Variants in TMEM164 observed in about 807,000 individuals in gnomAD.
TMEM164 encodes the protein RP13-360B22.2.
In TMEM164, 4 loss-of-function variants were observed where a neutral mutation model predicts 18.8. That is an observed-to-expected ratio of 0.21 (90% confidence interval 0.10 to 0.49). The LOEUF is 0.49. Among genes scored for constraint, TMEM164 ranks in the 20% least tolerant of loss-of-function variants. The probability of loss-of-function intolerance (pLI) is 0.98; values close to 1 mark genes in which losing one functional copy is unlikely to be tolerated. For missense variants in TMEM164, 108 were observed against 239.9 expected (o/e 0.45, Z 3.63); for synonymous variants, 86 against 101.7 (o/e 0.85, Z 0.93).
intron 3 of TMEM164, among the ~76,000 whole-genome samples, chrX:110,095,585 C>T (rs765364636): frequency 1.8e-5 from 2 of 111,871 alleles, no homozygotes; most frequent in African/African-American, 6.5e-5. Flanking sequence ...TTCGTCTAAT[C>T]TTTTTTCAAG....
intron 5 of TMEM164, among the ~76,000 whole-genome samples, chrX:110,147,998 G>A (rs2066882546): frequency 9.1e-6 from 1 of 110,375 alleles, no homozygotes; most frequent in Admixed American, 9.7e-5. Context: ...CTTCCAACTG[G>A]GATCAGTGTC....
At chrX:110,098,277 T>C (rs1424671013) in intron 3 of TMEM164, among the ~76,000 whole-genome samples, 1 of 111,790 alleles carries the variant, frequency 8.9e-6, no homozygotes, top group Non-Finnish European at 1.9e-5. Flanking sequence ...TTCCATGGTC[T>C]GTAGGTACCA....
rs1162517835 is a variant in TMEM164 at position 110,048,718 on chromosome X, T to G, written c.391-18629T>G. ...ACCCTGGGGGTTATTTGTAGCAGTC[T>G]CAAATCATTTGATCAGGGTCACTAC... On this transcript the variant is annotated intron_variant, in intron 2 of 6. Coordinates refer to ENST00000372068, the MANE Select transcript of TMEM164 (RefSeq NM_032227.4). Among the ~76,000 whole-genome samples the G allele has an allele frequency of 2.7e-5, 3 of 111,873 alleles. No individual in the cohort carries two copies. In the Admixed American group the frequency reaches 2.9e-4, roughly 11 times the overall value.
At chrX:110,101,841 C>T (rs1026063811) in intron 3 of TMEM164, among the ~76,000 whole-genome samples, 4 of 109,951 alleles carry the variant, frequency 3.6e-5, no homozygotes, top group Non-Finnish European at 7.6e-5. Context: ...CCTTGGCCTC[C>T]CAAAGTGCTG....
intron 5 of TMEM164, among the ~76,000 whole-genome samples, chrX:110,168,537 A>G (rs2067188221): frequency 8.9e-6 from 1 of 112,399 alleles, no homozygotes; most frequent in South Asian, 3.7e-4. Context: ...GACATTGCCC[A>G]TCTTCTAGCC....
At chrX:110,159,219 A>G (rs1051552868) in intron 5 of TMEM164, among the ~76,000 whole-genome samples, 2 of 110,825 alleles carry the variant, frequency 1.8e-5, no homozygotes, top group Non-Finnish European at 3.8e-5. Flanking sequence ...GCTTCCCACC[A>G]GGGAGTTGAG....
At chrX:110,012,040 C>T (rs187603924) in intron 2 of TMEM164, among the ~76,000 whole-genome samples, 3 of 111,829 alleles carry the variant, frequency 2.7e-5, no homozygotes, top group Non-Finnish European at 5.6e-5. Flanking sequence ...GTTCTCTGTG[C>T]TGTCCCAAGG....
intron 3 of TMEM164, among the ~76,000 whole-genome samples, chrX:110,084,412 T>TATATATATATA (rs58569936): frequency 0.031 from 32 of 1,045 alleles, 2 homozygotes; most frequent in Non-Finnish European, 0.045. Context: ...ATATATATAG[T>TATATATATATA]GTATATATAT....
chrX:110,183,004 C>A, downstream of TMEM164, among the ~76,000 whole-genome samples: 1 of 112,329 alleles, frequency 8.9e-6, no homozygotes. Context: ...TACAGCTGCC[C>A]TCACGTAACT....
intron 4 of TMEM164, 45 bp from the exon 5 acceptor site, chrX:110,144,753 A>C: frequency 9.0e-7 from 1 of 1,111,920 alleles, no homozygotes; most frequent in Non-Finnish European, 1.2e-6. Context: ...TGTTGAAATG[A>C]ATGCTTCCTG....
intron 3 of TMEM164, among the ~76,000 whole-genome samples, chrX:110,075,462 C>G (rs1449526875): frequency 3.6e-5 from 4 of 110,907 alleles, no homozygotes; most frequent in Non-Finnish European, 5.7e-5. Flanking sequence ...TTCCTCTTGC[C>G]TGATTTCTCT....
rs183623217 is a variant in TMEM164 at position 110,044,500 on chromosome X, C to T, written c.391-22847C>T. On this transcript the variant is annotated intron_variant, in intron 2 of 6. Coordinates refer to ENST00000372068, the MANE Select transcript of TMEM164 (RefSeq NM_032227.4). ...TGTCACCCAGGCTGGAGTGCAGTGG[C>T]GTGATCATAGCTCACTGCAACCATG... 5.5e-3 allele frequency among the ~76,000 whole-genome samples: 563 copies of T among 102,597 alleles called. 4 individuals are homozygous for T. The highest frequency in any genetic ancestry group is 6.9e-3 in the Non-Finnish European group (348 of 50,735). 89.1% of individuals were successfully genotyped at this position (102,597 alleles called of 115,157 possible).
chrX:110,122,108 A>G (rs1302114406), intron 4 of TMEM164, among the ~76,000 whole-genome samples: 1 of 111,006 alleles, frequency 9.0e-6, no homozygotes, highest in Non-Finnish European at 1.9e-5. Flanking sequence ...TCATGCTGCT[A>G]TAAAGACACA....
chrX:110,077,650 G>A (rs1316802190), intron 3 of TMEM164, among the ~76,000 whole-genome samples: 2 of 111,887 alleles, frequency 1.8e-5, no homozygotes, highest in Non-Finnish European at 3.8e-5. Context: ...GGCTGGTTTA[G>A]TGGTAACGAG....
chrX:110,164,436 G>A (rs906887483), intron 5 of TMEM164, among the ~76,000 whole-genome samples: 2 of 111,382 alleles, frequency 1.8e-5, no homozygotes, highest in Non-Finnish European at 3.8e-5. Flanking sequence ...GGAGTGAGCT[G>A]GAAAGGTAGA....
intron 4 of TMEM164, among the ~76,000 whole-genome samples, chrX:110,113,959 G>T (rs1288925971): frequency 9.0e-6 from 1 of 111,660 alleles, no homozygotes; most frequent in African/African-American, 3.3e-5. Context: ...GTTTCTTGGA[G>T]TGAAGGAGGG....
rs189465905 is a variant in TMEM164, at chrX:110,055,439, C to T, written c.391-11908C>T. 3.5e-3 allele frequency: 667 copies of T among 191,918 alleles called. 4 individuals carry two copies. Among genetic ancestry groups the T allele is most frequent in the Non-Finnish European group, 3.8e-3 (360 of 94,291 alleles). The allele number at this position is 191,918 out of a possible 1,213,427, so 15.8% of individuals were successfully genotyped here. A position where few individuals can be genotyped will look rare whatever the true frequency, so the allele number is the denominator to read the frequency against. On this transcript the variant is annotated intron_variant, in intron 2 of 6. Coordinates refer to ENST00000372068, the MANE Select transcript of TMEM164 (RefSeq NM_032227.4). ...GCACAACCTACACAACTGTACTCGG[C>T]GGCCCTGGCATAATGTAATGTCAGT...
intron 2 of TMEM164, among the ~76,000 whole-genome samples, chrX:110,036,526 T>TAGCC (rs1241751467): frequency 1.8e-5 from 2 of 112,587 alleles, no homozygotes; most frequent in Non-Finnish European, 3.7e-5. Flanking sequence ...ATGGGCTGAT[T>TAGCC]AGCCTATCAG....
At chrX:110,173,102 A>T in intron 6 of TMEM164, 143 bp from the exon 7 acceptor site, 1 of 568,620 alleles carries the variant, frequency 1.8e-6, no homozygotes, top group Non-Finnish European at 2.8e-6. Context: ...CCGAGGGGAG[A>T]GAAGAAATCC....
Sources: allele counts gnomAD v4.1 joint callset (sites outside exome capture counted in the v4.1 genomes callset), GRCh38; gene constraint gnomAD v4.1.1; transcripts MANE v1.5; gene names NCBI Gene and HGNC (gene_info 2026-07-23, HGNC 2026-07-21).